MAN2A1: variants seen among roughly 807,000 people sequenced by gnomAD.
MAN2A1 encodes mannosidase alpha class 2A member 1.
MAN2A1 carries 76 observed loss-of-function variants against 142.6 expected under a neutral mutation model. The observed-to-expected ratio is 0.53, with a 90% CI of 0.44 to 0.65. The LOEUF is 0.65. Among genes scored for constraint, MAN2A1 ranks in the 30% least tolerant of loss-of-function variants. The pLI is 0.00. For synonymous variants in MAN2A1, 559 were observed against 473.2 expected (o/e 1.18, Z -2.35); for missense variants, 1,311 against 1,365.1 (o/e 0.96, Z 0.62).
intron 4 of MAN2A1, among the ~76,000 whole-genome samples, chr5:109,732,995 G>A (rs975109781): frequency 1.2e-4 from 19 of 152,296 alleles, no homozygotes; most frequent in African/African-American, 4.1e-4. Flanking sequence ...CTACCCATGA[G>A]CATGGAATGT....
rs989858433 is a variant in MAN2A1, at chr5:109,770,387, A to G, written c.1042A>G (p.Met348Val). Residue 348 changes from methionine to valine, a missense_variant, in exon 7 of 22, where the codon ATG becomes GTG. By Grantham distance (21) the Met-to-Val change is conservative (BLOSUM62 1). Transcript: ENST00000261483. ...LGSVTDILCHMMPFYSYDIPH... is the reference protein window; with the variant it reads ...LGSVTDILCHVMPFYSYDIPH... ...ATCTGTCACAGATATTTTATGCCAC[A>G]TGATGCCCTTCTACAGCTATGACAT... is the stretch of plus-strand genomic sequence containing the variant. 4 of 1,613,988 alleles carry G rather than the reference A, an allele frequency of 2.5e-6. No homozygotes were observed. The highest frequency in any genetic ancestry group is 1.7e-4 in the Middle Eastern group (1 of 6,056).
chr5:109,831,047 CAG>C (rs1184282160), intron 16 of MAN2A1, among the ~76,000 whole-genome samples: 16 of 152,314 alleles, frequency 1.1e-4, no homozygotes, highest in African/African-American at 3.8e-4. Context: ...TGTAATGGCT[CAG>C]AGTTGAGACT....
intron 4 of MAN2A1, among the ~76,000 whole-genome samples, chr5:109,742,355 A>G (rs542748869): frequency 1.3e-5 from 2 of 152,194 alleles, no homozygotes; most frequent in Non-Finnish European, 2.9e-5. Context: ...ATCAGTTAGT[A>G]TAGATTTTTT....
chr5:109,717,742 G>GGGC (rs1554073047), intron 3 of MAN2A1, among the ~76,000 whole-genome samples: 2 of 152,124 alleles, frequency 1.3e-5, no homozygotes. Context: ...GTGTGTCCTT[G>GGGC]GGCACATTGA....
rs1241220354 is a variant in MAN2A1 at position 109,713,641 on chromosome 5, G to A, written c.257G>A (p.Gly86Asp). 6.2e-7 allele frequency: 1 copy of A among 1,614,186 alleles called. No individual in the cohort carries two copies. Among genetic ancestry groups the A allele is most frequent in the South Asian group, 1.1e-5 (1 of 91,092 alleles). The change falls in exon 2 of 22, where the codon GGT (glycine) becomes GAT (aspartate). Residue 86 changes from glycine (G) to aspartate (D), a missense_variant. Coordinates refer to ENST00000261483, the MANE Select transcript of MAN2A1 (RefSeq NM_002372.4). The part of the protein sequence containing the change: ...VINLSESVED[G>D]PKSSQSNFSQ... ...AATTTGAGTGAGTCTGTGGAGGATG[G>A]TCCGAAAAGTTCACAAAGCAATTTC...
chr5:109,699,064 G>A (rs1750897646), intron 1 of MAN2A1, among the ~76,000 whole-genome samples: 1 of 151,992 alleles, frequency 6.6e-6, no homozygotes, highest in South Asian at 2.1e-4. Context: ...AAAAAGTTTT[G>A]TATTCAATTT....
chr5:109,798,136 A>G (rs1403103308), intron 12 of MAN2A1, among the ~76,000 whole-genome samples: 1 of 152,228 alleles, frequency 6.6e-6, no homozygotes, highest in Non-Finnish European at 1.5e-5. Flanking sequence ...TAAAGGTAGA[A>G]GTGTCCATTT....
At chr5:109,837,960 G>C (rs1044437975) in intron 16 of MAN2A1, among the ~76,000 whole-genome samples, 1 of 151,888 alleles carries the variant, frequency 6.6e-6, no homozygotes, top group African/African-American at 2.4e-5. Flanking sequence ...CAGTGATTCA[G>C]TACTTACCAT....
chr5:109,811,090 A>G (rs979285829), intron 12 of MAN2A1, among the ~76,000 whole-genome samples: 6 of 150,534 alleles, frequency 4.0e-5, no homozygotes, highest in African/African-American at 1.2e-4. Flanking sequence ...ACTTCATTGT[A>G]TTTTTCAGTT....
chr5:109,751,459 T>A (rs1447298668), intron 4 of MAN2A1, among the ~76,000 whole-genome samples: 1 of 152,114 alleles, frequency 6.6e-6, no homozygotes, highest in East Asian at 1.9e-4. Flanking sequence ...GCAATAAACA[T>A]GAGAGTCCAA....
At chr5:109,752,030 G>C (rs1752561729) in intron 4 of MAN2A1, among the ~76,000 whole-genome samples, 1 of 152,044 alleles carries the variant, frequency 6.6e-6, no homozygotes, top group Non-Finnish European at 1.5e-5. Context: ...ACTACAAAGT[G>C]ACTTCCTTTC....
chr5:109,690,313 C>T lies in MAN2A1; in HGVS notation c.-105C>T, dbSNP rs1750627055. Reference sequence around the variant, plus strand: ...CCCGCATCCGAGAGCGCGGAGGTCGCGCAGCCCGGGAGAAGGGAGCCTCCG... The same window carrying T: ...CCCGCATCCGAGAGCGCGGAGGTCGTGCAGCCCGGGAGAAGGGAGCCTCCG... On this transcript the variant is annotated 5_prime_UTR_variant, in exon 1 of 22. Transcript: ENST00000261483. The T allele has an allele frequency of 5.5e-6, 7 of 1,270,394 alleles. No homozygotes were observed. The highest frequency in any genetic ancestry group is 1.8e-5 in the Admixed American group (1 of 56,392). The allele number at this position is 1,270,394 out of a possible 1,614,324, so 78.7% of individuals were successfully genotyped here.
At position 109,768,962 on chromosome 5, in the gene MAN2A1, C is replaced by T. The variant is rs58868046; in HGVS notation, c.1009+1254C>T. Among the ~76,000 whole-genome samples, 958 of 152,254 alleles carry T rather than the reference C, an allele frequency of 6.3e-3. 15 individuals are homozygous for T. Among genetic ancestry groups the T allele is most frequent in the African/African-American group, 0.022 (898 of 41,552 alleles). ...GCTAGGAAGAAATGTTGAAAACATC[C>T]TTGCTTATAGGGAAATTCCAGTCTA... On this transcript the variant is annotated intron_variant, in intron 6 of 21. Transcript: ENST00000261483.
In MAN2A1 at chr5:109,808,846, C is replaced by T. The variant is rs187916546; in HGVS notation, c.1944-8427C>T. On this transcript the variant is annotated intron_variant, in intron 12 of 21. Coordinates refer to ENST00000261483, the MANE Select transcript of MAN2A1 (RefSeq NM_002372.4). Reference sequence around the variant, plus strand: ...AGCCTCCTGAGTAGCTGGGACTACACACACGCACCACCATGCTGGCTAATT... The same window carrying T: ...AGCCTCCTGAGTAGCTGGGACTACATACACGCACCACCATGCTGGCTAATT... Among the ~76,000 whole-genome samples the T allele has an allele frequency of 8.0e-4, 121 of 151,746 alleles. No individual in the cohort carries two copies. In the East Asian group the frequency reaches 0.017, roughly 22 times the overall value.
intron 12 of MAN2A1, among the ~76,000 whole-genome samples, chr5:109,791,454 A>G (rs1350473294): frequency 6.6e-6 from 1 of 152,056 alleles, no homozygotes; most frequent in East Asian, 1.9e-4. Context: ...TGAAAGTAAA[A>G]TAATTGCCCT....
intron 1 of MAN2A1, among the ~76,000 whole-genome samples, chr5:109,706,327 T>C (rs1177415099): frequency 6.6e-6 from 1 of 152,220 alleles, no homozygotes; most frequent in South Asian, 2.1e-4. Context: ...CATATTGTAG[T>C]ACCCTTCAAA....
At chr5:109,727,084 T>C (rs1464220288) in intron 3 of MAN2A1, among the ~76,000 whole-genome samples, 1 of 152,208 alleles carries the variant, frequency 6.6e-6, no homozygotes, top group Non-Finnish European at 1.5e-5. Context: ...TATGTTGATA[T>C]TTGATAAAAT....
intron 4 of MAN2A1, among the ~76,000 whole-genome samples, chr5:109,737,170 T>G (rs1212485477): frequency 6.9e-6 from 1 of 145,202 alleles, no homozygotes; most frequent in Non-Finnish European, 1.5e-5. Flanking sequence ...CTCAGCTCAC[T>G]GCAACCTCTG....
chr5:109,742,197 G>A (rs1752287018), intron 4 of MAN2A1, among the ~76,000 whole-genome samples: 1 of 152,156 alleles, frequency 6.6e-6, no homozygotes, highest in South Asian at 2.1e-4. Flanking sequence ...ATCTGCTCTT[G>A]CTATTGAGAC....
Sources: gnomAD v4.1 joint callset for allele counts (sites outside exome capture counted in the v4.1 genomes callset) on GRCh38, gnomAD v4.1.1 for gene constraint, MANE v1.5 for transcripts, NCBI Gene and HGNC (gene_info 2026-07-23, HGNC 2026-07-21) for gene names.